NMT1: variants seen among roughly 807,000 people sequenced by gnomAD.
NMT1 encodes the protein glycylpeptide N-tetradecanoyltransferase 1.
NMT1 carries 12 observed loss-of-function variants against 63.4 expected under a neutral mutation model. The ratio of observed to expected loss-of-function variants is 0.19; its 90% confidence interval spans 0.12 to 0.31. NMT1 has a LOEUF of 0.31. Among genes scored for constraint, NMT1 ranks in the 10% least tolerant of loss-of-function variants. The pLI is 1.00. For synonymous variants in NMT1, 228 were observed against 234.3 expected (o/e 0.97, Z 0.25); for missense variants, 432 against 634.6 (o/e 0.68, Z 3.43).
At chr17:45,094,940 G>C (rs1195818151) in intron 4 of NMT1, among the ~76,000 whole-genome samples, 1 of 151,472 alleles carries the variant, frequency 6.6e-6, no homozygotes, top group East Asian at 1.9e-4. Flanking sequence ...AGCCTCCCAG[G>C]TAGCTGAGAT....
chr17:45,091,664 T>A (rs180923733), intron 3 of NMT1, among the ~76,000 whole-genome samples: 94 of 152,314 alleles, frequency 6.2e-4, no homozygotes, highest in African/African-American at 2.2e-3. Context: ...AATGTTTTTT[T>A]AATATACATA....
chr17:45,100,614 C>T (rs1329531861), intron 8 of NMT1, among the ~76,000 whole-genome samples: 2 of 151,088 alleles, frequency 1.3e-5, no homozygotes, highest in African/African-American at 4.9e-5. Flanking sequence ...GTAATCCCAG[C>T]ACTTTGGGAG....
intron 1 of NMT1, among the ~76,000 whole-genome samples, chr17:45,072,093 CAT>C (rs1006737358): frequency 1.3e-5 from 2 of 151,882 alleles, no homozygotes; most frequent in African/African-American, 2.4e-5. Context: ...CTCTACAAAA[CAT>C]ATAAAAATTA....
rs943116623 is a variant in NMT1, at chr17:45,103,071, G to A, written c.1114G>A (p.Glu372Lys). The change falls in exon 9 of 12, where the codon GAG (glutamate) becomes AAG (lysine). Residue 372 changes from glutamate (E) to lysine (K), a missense_variant. Coordinates refer to ENST00000258960, the MANE Select transcript of NMT1 (RefSeq NM_021079.5). The surrounding 1 kb of genome is among the most constrained non-coding windows in gnomAD (Gnocchi z 4.8). ...LTPVMSQEEV[E>K]HWFYPQENII... ...GCCCGTCATGAGCCAGGAGGAGGTGGAGCACTGGTTCTACCCCCAGGAGAA... is the reference window on the plus strand; with the variant it reads ...GCCCGTCATGAGCCAGGAGGAGGTGAAGCACTGGTTCTACCCCCAGGAGAA... The A allele has an allele frequency of 4.3e-6, 7 of 1,613,854 alleles. No individual in the cohort carries two copies. Among genetic ancestry groups the A allele is most frequent in the Non-Finnish European group, 5.9e-6 (7 of 1,179,910 alleles).
intron 1 of NMT1, among the ~76,000 whole-genome samples, chr17:45,079,670 A>G (rs2054001738): frequency 6.6e-6 from 1 of 152,164 alleles, no homozygotes; most frequent in African/African-American, 2.4e-5. Context: ...GCACACGTGC[A>G]TACACACAGA....
intron 3 of NMT1, among the ~76,000 whole-genome samples, chr17:45,091,236 A>G (rs536622520): frequency 0.019 from 2,295 of 119,262 alleles, 30 homozygotes; most frequent in East Asian, 0.062. Flanking sequence ...ACACACACAC[A>G]CGTCCCATAG....
intron 6 of NMT1, 80 bp from the exon 7 acceptor site, chr17:45,098,302 G>C (rs1465586265): frequency 1.5e-6 from 2 of 1,367,154 alleles, no homozygotes; most frequent in Non-Finnish European, 2.0e-6. Context: ...GTCCTTCTAG[G>C]TGTGGCTGCA....
chr17:45,081,703 A>T lies in NMT1; in HGVS notation c.191A>T (p.Lys64Met), dbSNP rs201559014. 1 of 1,607,660 alleles carries T rather than the reference A, an allele frequency of 6.2e-7. No homozygotes were observed. Among genetic ancestry groups the T allele is most frequent in the African/African-American group, 1.3e-5 (1 of 74,728 alleles). Residue 64 changes from lysine to methionine, a missense_variant, in exon 2 of 12, where the codon AAG becomes ATG. Lys to Met is a moderately conservative substitution (Grantham distance 95). Around this residue, in one of 4 missense-constraint regions of NMT1, gnomAD observed 121 missense variants for 103.7 expected, o/e 1.17. Transcript: ENST00000258960. ...AAGAAGAAAAAGAAACAAAAAAAGA[A>T]GAAAGAAAAAGGCAGTGAGACAGAT... ...AKKKKKKQKK[K>M]KEKGSETDSA... is the part of the protein sequence containing the mutation.
In NMT1 at chr17:45,061,390, G is replaced by C; in HGVS notation, c.61G>C (p.Glu21Gln). 3 of 1,614,144 alleles carry C rather than the reference G, an allele frequency of 1.9e-6. No individual in the cohort carries two copies. The highest frequency in any genetic ancestry group is 2.5e-6 in the Non-Finnish European group (3 of 1,180,006). The stretch of plus-strand genomic sequence containing the variant: ...GGCACCTCCGCTGCCGCAGATGATG[G>C]AAGGGAACGGGAACGGCCATGAGCA... ...PPAPPLPQMM[E>Q]GNGNGHEHCS... The change falls in exon 1 of 12, where the codon GAA (glutamate) becomes CAA (glutamine). Residue 21 changes from glutamate to glutamine, a missense_variant. Physicochemically the swap from Glu to Gln is conservative, Grantham distance 29. Around this residue, in one of 4 missense-constraint regions of NMT1, gnomAD observed 121 missense variants for 103.7 expected, o/e 1.17. Coordinates refer to ENST00000258960, the MANE Select transcript of NMT1 (RefSeq NM_021079.5).
At chr17:45,083,208 A>G (rs1374112039) in intron 2 of NMT1, among the ~76,000 whole-genome samples, 1 of 151,108 alleles carries the variant, frequency 6.6e-6, no homozygotes, top group Non-Finnish European at 1.5e-5. Context: ...AATCTCAGCT[A>G]CTCAGGAGGC....
chr17:45,091,908 C>A (rs1177925631), intron 3 of NMT1, among the ~76,000 whole-genome samples: 1 of 152,158 alleles, frequency 6.6e-6, no homozygotes, highest in Non-Finnish European at 1.5e-5. Context: ...ATAGTCCCAA[C>A]CACTCGAGAG....
At chr17:45,074,289 A>G (rs546552883) in intron 1 of NMT1, among the ~76,000 whole-genome samples, 17 of 147,968 alleles carry the variant, frequency 1.1e-4, no homozygotes, top group Admixed American at 6.2e-4. Flanking sequence ...TTCTCTGCTC[A>G]CTGCAAGCTC....
In NMT1 at chr17:45,081,655, C is replaced by T. The variant is rs1212522731; in HGVS notation, c.143C>T (p.Pro48Leu). 6.2e-7 allele frequency: 1 copy of T among 1,611,972 alleles called. No homozygotes were observed. The highest frequency in any genetic ancestry group is 8.5e-7 in the Non-Finnish European group (1 of 1,179,460). ...DNSYNRGGLS[P>L]ANDTGAKKKK... ...ACTTTTTGTTACAGTGGTTTGAGTC[C>T]AGCCAATGACACTGGAGCCAAAAAG... Residue 48 changes from proline to leucine, a missense_variant, in exon 2 of 12, where the codon CCA becomes CTA. Transcript: ENST00000258960.
intron 1 of NMT1, among the ~76,000 whole-genome samples, chr17:45,072,144 C>G (rs2053944115): frequency 6.6e-6 from 1 of 151,270 alleles, no homozygotes; most frequent in African/African-American, 2.4e-5. Flanking sequence ...CCCAGCTACG[C>G]AGGAGGCTGA....
chr17:45,100,862 CAAAAAAAAAAAAAAAAAAAA>C (rs71136069), intron 8 of NMT1, among the ~76,000 whole-genome samples: 1 of 32,604 alleles, frequency 3.1e-5, no homozygotes, highest in Non-Finnish European at 5.0e-5. Context: ...GACTCCGTCT[CAAAAAAAAAAAAAAAAAAAA>C]AAAAAAAAAA....
At chr17:45,076,478 G>A (rs1342626935) in intron 1 of NMT1, among the ~76,000 whole-genome samples, 2 of 151,186 alleles carry the variant, frequency 1.3e-5, no homozygotes, top group East Asian at 1.9e-4. Context: ...GGCCAGGCAC[G>A]GTGGCTCATG....
At chr17:45,084,814 A>G (rs1160600048) in intron 2 of NMT1, among the ~76,000 whole-genome samples, 1 of 151,944 alleles carries the variant, frequency 6.6e-6, no homozygotes, top group South Asian at 2.1e-4. Context: ...ACTCTCATAC[A>G]CTGTTCGTTG....
At chr17:45,080,131 C>T (rs2143477425) in intron 1 of NMT1, among the ~76,000 whole-genome samples, 1 of 151,972 alleles carries the variant, frequency 6.6e-6, no homozygotes, top group South Asian at 2.1e-4. Flanking sequence ...GTCCTCAATC[C>T]TGCAGATCTG....
chr17:45,096,413 G>A, intron 5 of NMT1, 128 bp downstream of exon 5: 1 of 734,264 alleles, frequency 1.4e-6, no homozygotes, highest in Non-Finnish European at 2.4e-6. Flanking sequence ...TCATTTTTGA[G>A]TTCCTGCATC....
Sources: allele counts gnomAD v4.1 joint callset (sites outside exome capture counted in the v4.1 genomes callset), GRCh38; gene constraint gnomAD v4.1.1; regional missense constraint gnomAD v4.1.1; non-coding constraint Gnocchi (gnomAD v3.1); transcripts MANE v1.5; gene names NCBI Gene and HGNC (gene_info 2026-07-23, HGNC 2026-07-21).